Variants in ZNF569 observed in about 807,000 individuals in gnomAD.
The protein encoded by ZNF569 is DNA-binding protein.
ZNF569 carries 38 observed loss-of-function variants against 56.3 expected under a neutral mutation model. That is an observed-to-expected ratio of 0.68 (90% CI 0.52 to 0.88). The LOEUF (loss-of-function observed/expected upper bound fraction) is 0.88. Among genes scored for constraint, ZNF569 ranks in the 40% least tolerant of loss-of-function variants. ZNF569 has a pLI of 0.00. For synonymous variants in ZNF569, 241 were observed against 262.9 expected, an observed-to-expected ratio of 0.92 and a Z score of 0.81; for missense variants, 666 against 809.2, an observed-to-expected ratio of 0.82 and a Z score of 2.15.
chr19:37,428,617 T>C (rs940549790), intron 3 of ZNF569, among the ~76,000 whole-genome samples: 3 of 150,800 alleles, frequency 2.0e-5, no homozygotes, highest in Non-Finnish European at 4.4e-5. Context: ...ACATCCCAAA[T>C]TAGGAAAAAA....
intron 3 of ZNF569, among the ~76,000 whole-genome samples, chr19:37,439,069 TG>T (rs2041359949): frequency 6.6e-6 from 1 of 151,904 alleles, no homozygotes; most frequent in Non-Finnish European, 1.5e-5. Context: ...CCAATTAAAA[TG>T]GTTTTTTTTG....
intron 3 of ZNF569, among the ~76,000 whole-genome samples, chr19:37,426,842 A>C (rs140510828): frequency 1.3e-5 from 2 of 152,330 alleles, no homozygotes; most frequent in East Asian, 3.9e-4. Flanking sequence ...ATGGGTCATC[A>C]GCCTGTAGTA....
At chr19:37,445,928 A>G (rs569933219) in intron 2 of ZNF569, among the ~76,000 whole-genome samples, 163 of 146,870 alleles carry the variant, frequency 1.1e-3, no homozygotes, top group African/African-American at 3.7e-3. Flanking sequence ...ATCATTCTAC[A>G]CAGAACTAGA....
At chr19:37,455,171 T>G (rs575962100) in intron 2 of ZNF569, 1 of 305,652 alleles carries the variant, frequency 3.3e-6, no homozygotes. Flanking sequence ...CAAATAAAGT[T>G]AGGATTAGGA....
chr19:37,449,724 T>C (rs1421341460), intron 2 of ZNF569, among the ~76,000 whole-genome samples: 1 of 152,088 alleles, frequency 6.6e-6, no homozygotes, highest in East Asian at 1.9e-4. Context: ...TCTTTATATT[T>C]AAAATGGGTA....
intron 2 of ZNF569, among the ~76,000 whole-genome samples, chr19:37,453,746 A>G (rs1268973728): frequency 6.6e-6 from 1 of 152,128 alleles, no homozygotes; most frequent in Non-Finnish European, 1.5e-5. Flanking sequence ...ACTAACTTGG[A>G]AAATTCTCAG....
intron 2 of ZNF569, among the ~76,000 whole-genome samples, chr19:37,448,556 CTTTTTTTTT>C (rs545559315): frequency 2.8e-5 from 2 of 72,530 alleles, no homozygotes; most frequent in Non-Finnish European, 4.7e-5. Flanking sequence ...ATGCTGTAAT[CTTTTTTTTT>C]TTTTTTTTTT....
rs1287022226 is a variant in ZNF569, at chr19:37,413,196, G to T, written c.1462C>A (p.His488Asn). The change falls in exon 6 of 6, where the codon CAT (histidine) becomes AAT (asparagine). Residue 488 changes from histidine to asparagine, a missense_variant. His to Asn is a moderately conservative substitution (Grantham distance 68). Transcript: ENST00000316950. The stretch of plus-strand genomic sequence containing the variant: ...CATTCATAGGGTTTCTCTCCAGAAT[G>T]AATTTTTTCATGAGCAATGAGATTT... ...KSNLIAHEKI[H>N]SGEKPYECNE... 6.2e-7 allele frequency: 1 copy of T among 1,607,018 alleles called. No individual in the cohort carries two copies. The highest frequency in any genetic ancestry group is 2.2e-5 in the East Asian group (1 of 44,832).
chr19:37,449,939 T>C (rs2041565067), intron 2 of ZNF569, among the ~76,000 whole-genome samples: 1 of 152,226 alleles, frequency 6.6e-6, no homozygotes, highest in Admixed American at 6.5e-5. Flanking sequence ...TTTGTTCTTT[T>C]TCGCTCTCCT....
Position 37,412,571 on chromosome 19 carries a change from C to A in ZNF569, c.*26G>T, listed in dbSNP as rs1320180239. The A allele has an allele frequency of 1.3e-6, 2 of 1,547,882 alleles. No homozygotes were observed. Among genetic ancestry groups the A allele is most frequent in the African/African-American group, 2.8e-5 (2 of 72,478 alleles). ...GTGTTAATTCCTTCAGATGGCCTTGCCATATTCACAATATTCATAGGGTTT... is the reference window on the plus strand; with the variant it reads ...GTGTTAATTCCTTCAGATGGCCTTGACATATTCACAATATTCATAGGGTTT... On this transcript the variant is annotated 3_prime_UTR_variant, in exon 6 of 6. Transcript: ENST00000316950.
At chr19:37,439,452 G>C (rs2041368014) in intron 3 of ZNF569, among the ~76,000 whole-genome samples, 1 of 152,242 alleles carries the variant, frequency 6.6e-6, no homozygotes. Context: ...ATACACTGTT[G>C]GTGGGAATGT....
At chr19:37,466,401 G>A (rs1309163117) in intron 1 of ZNF569, among the ~76,000 whole-genome samples, 1 of 152,134 alleles carries the variant, frequency 6.6e-6, no homozygotes, top group Non-Finnish European at 1.5e-5. Context: ...AGAACGAGGC[G>A]GGTGGATCAC....
intron 2 of ZNF569, among the ~76,000 whole-genome samples, chr19:37,464,628 C>G (rs1216030063): frequency 1.3e-5 from 2 of 152,118 alleles, no homozygotes; most frequent in Non-Finnish European, 2.9e-5. Flanking sequence ...GAACAATAGG[C>G]TGTGCCATAT....
intron 2 of ZNF569, among the ~76,000 whole-genome samples, chr19:37,456,725 T>C (rs941216982): frequency 2.0e-5 from 3 of 152,102 alleles, no homozygotes; most frequent in Admixed American, 2.0e-4. Flanking sequence ...TCCCAGCACT[T>C]TGGGAGGCTG....
At position 37,420,944 on chromosome 19, in the gene ZNF569, G is replaced by T. The variant is rs117607865; in HGVS notation, c.238+4924C>A. On this transcript the variant is annotated intron_variant, in intron 5 of 5. Transcript: ENST00000316950. ...ATCCATGAGCTGCAGAATGGATGTT[G>T]TATTAGCAGGCATGAAAACCAACAC... Among the ~76,000 whole-genome samples, 172 of 152,312 alleles carry T rather than the reference G, an allele frequency of 1.1e-3. 2 individuals carry two copies. In the East Asian group the frequency reaches 0.031, roughly 27 times the overall value.
intron 2 of ZNF569, among the ~76,000 whole-genome samples, chr19:37,463,669 G>A (rs868688658): frequency 1.4e-4 from 22 of 152,196 alleles, no homozygotes; most frequent in Middle Eastern, 6.8e-3. Flanking sequence ...CCTTCCAGAC[G>A]TATTCCAGAA....
intron 5 of ZNF569, among the ~76,000 whole-genome samples, chr19:37,421,059 C>T (rs1309326218): frequency 1.3e-5 from 2 of 152,044 alleles, no homozygotes; most frequent in African/African-American, 4.8e-5. Flanking sequence ...TTTTTTTTCT[C>T]GTGAGCAGTA....
intron 2 of ZNF569, among the ~76,000 whole-genome samples, chr19:37,446,054 T>C (rs1209319162): frequency 6.6e-6 from 1 of 152,106 alleles, no homozygotes; most frequent in Non-Finnish European, 1.5e-5. Context: ...CAAACTATAT[T>C]ATAAGACCAC....
At chr19:37,425,315 CTAA>C (rs1439836800) in intron 5 of ZNF569, among the ~76,000 whole-genome samples, 5 of 134,982 alleles carry the variant, frequency 3.7e-5, no homozygotes, top group African/African-American at 1.4e-4. Context: ...CCACACGTGG[CTAA>C]TTTTTTTTTT....
Sources: gnomAD v4.1 joint callset for allele counts (sites outside exome capture counted in the v4.1 genomes callset) on GRCh38, gnomAD v4.1.1 for gene constraint, MANE v1.5 for transcripts, NCBI Gene and HGNC (gene_info 2026-07-23, HGNC 2026-07-21) for gene names.